Variants in COL13A1 observed in about 807,000 individuals in gnomAD.
COL13A1 encodes the protein collagen type XIII alpha 1 chain.
COL13A1 carries 89 observed loss-of-function variants against 130.9 expected under a neutral mutation model. The ratio of observed to expected loss-of-function variants is 0.68; its 90% CI spans 0.57 to 0.81. COL13A1 has a LOEUF of 0.81. COL13A1 is among the 30% of genes least tolerant of loss of function. The pLI, the probability that COL13A1 is intolerant of heterozygous loss-of-function variation, is 0.00. For synonymous variants in COL13A1, 402 were observed against 341.6 expected, an observed-to-expected ratio of 1.18 and a Z score of -1.95; for missense variants, 879 against 934.6, an observed-to-expected ratio of 0.94 and a Z score of 0.78.
intron 38 of COL13A1, among the ~76,000 whole-genome samples, chr10:69,947,910 G>A (rs2068790571): frequency 6.6e-6 from 1 of 152,216 alleles, no homozygotes; most frequent in East Asian, 1.9e-4. Context: ...TCTTCACCAG[G>A]ACACACTTAC....
chr10:69,905,783 C>G lies in COL13A1; in HGVS notation c.886-4C>G, dbSNP rs778853812. The G allele has an allele frequency of 1.9e-6, 3 of 1,613,346 alleles. No individual in the cohort carries two copies. Among genetic ancestry groups the G allele is most frequent in the Non-Finnish European group, 2.5e-6 (3 of 1,179,698 alleles). On this transcript the variant is annotated splice_polypyrimidine_tract_variant and splice_region_variant and intron_variant, in intron 16 of 40. Coordinates refer to ENST00000645393, the MANE Select transcript of COL13A1 (RefSeq NM_001368882.1). ...CTTTAATGGCCTTCTCTTTGTTTTCCCAGGGAGACCCAGGGATCCAGGGCT... is the reference window on the plus strand; with the variant it reads ...CTTTAATGGCCTTCTCTTTGTTTTCGCAGGGAGACCCAGGGATCCAGGGCT...
At chr10:69,848,198 G>A (rs1000703311) in intron 2 of COL13A1, among the ~76,000 whole-genome samples, 7 of 152,172 alleles carry the variant, frequency 4.6e-5, no homozygotes, top group Non-Finnish European at 8.8e-5. Flanking sequence ...TCAGATGGCC[G>A]CATCTGATCC....
intron 7 of COL13A1, 131 bp from the exon 8 acceptor site, chr10:69,887,325 C>A: frequency 1.1e-6 from 1 of 878,998 alleles, no homozygotes; most frequent in South Asian, 1.5e-5. Context: ...ACCCACTAAC[C>A]ACAGTGAGTG....
chr10:69,898,428 G>A (rs980757572), intron 13 of COL13A1, among the ~76,000 whole-genome samples: 1 of 152,234 alleles, frequency 6.6e-6, no homozygotes, highest in Non-Finnish European at 1.5e-5. Context: ...CCTGGAGGCC[G>A]AGGCCGGGTG....
At chr10:69,854,609 T>C (rs991720776) in intron 2 of COL13A1, among the ~76,000 whole-genome samples, 2 of 151,798 alleles carry the variant, frequency 1.3e-5, no homozygotes, top group East Asian at 2.0e-4. Flanking sequence ...CACCAGACTC[T>C]GGTTAGAGGT....
intron 1 of COL13A1, among the ~76,000 whole-genome samples, chr10:69,814,005 G>C (rs1291335170): frequency 6.6e-6 from 1 of 152,246 alleles, no homozygotes; most frequent in Non-Finnish European, 1.5e-5. Flanking sequence ...AATTCGGTTG[G>C]AGTGTGGATT....
chr10:69,827,507 C>T (rs1177034927), intron 2 of COL13A1, among the ~76,000 whole-genome samples: 1 of 152,148 alleles, frequency 6.6e-6, no homozygotes, highest in Non-Finnish European at 1.5e-5. Context: ...GATGATGTGG[C>T]ATCAGAGAAG....
chr10:69,952,761 T>G lies in COL13A1; in HGVS notation c.2059-121T>G, dbSNP rs1461427428. On this transcript the variant is annotated intron_variant, in intron 38 of 40. Coordinates refer to ENST00000645393, the MANE Select transcript of COL13A1 (RefSeq NM_001368882.1). The stretch of plus-strand genomic sequence containing the variant: ...CCAAATCCTACTGGGGAGAATATCC[T>G]AATTTAAAGCATCTCTTTTTCCCTT... 3 of 694,366 alleles carry G rather than the reference T, an allele frequency of 4.3e-6. No individual in the cohort carries two copies. In the African/African-American group the frequency reaches 5.8e-5, roughly 13 times the overall value. The allele number at this position is 694,366 out of a possible 1,614,324, so 43.0% of individuals were successfully genotyped here.
chr10:69,829,344 C>A (rs991679674), intron 2 of COL13A1: 1 of 825,404 alleles, frequency 1.2e-6, no homozygotes, highest in African/African-American at 1.8e-5. Flanking sequence ...TACTTTCCAT[C>A]ACCCTTAGGA....
At chr10:69,854,480 G>T (rs1019029839) in intron 2 of COL13A1, among the ~76,000 whole-genome samples, 5 of 152,010 alleles carry the variant, frequency 3.3e-5, no homozygotes, top group Non-Finnish European at 7.3e-5. Flanking sequence ...GGCTGAGGTG[G>T]TAGGGTCGCT....
At chr10:69,885,526 C>T (rs1181009519) in intron 7 of COL13A1, among the ~76,000 whole-genome samples, 1 of 152,206 alleles carries the variant, frequency 6.6e-6, no homozygotes, top group East Asian at 1.9e-4. Flanking sequence ...CATTCTTCCC[C>T]AGATCTCTGA....
At chr10:69,942,646 G>A (rs1284563515) in intron 35 of COL13A1, among the ~76,000 whole-genome samples, 7 of 152,172 alleles carry the variant, frequency 4.6e-5, no homozygotes, top group East Asian at 3.8e-4. Context: ...CTTCCTACGC[G>A]TCAGGCTCAG....
intron 7 of COL13A1, 31 bp downstream of exon 7, chr10:69,880,584 T>A (rs1564932994): frequency 6.2e-7 from 1 of 1,609,596 alleles, no homozygotes; most frequent in Non-Finnish European, 8.5e-7. Flanking sequence ...CTCGGGGTGT[T>A]GGGGGGATGG....
At chr10:69,914,683 A>G (rs2063734532) in intron 17 of COL13A1, among the ~76,000 whole-genome samples, 1 of 152,212 alleles carries the variant, frequency 6.6e-6, no homozygotes, top group East Asian at 1.9e-4. Flanking sequence ...GGGCCTCTGT[A>G]CTGAGTCAAA....
chr10:69,804,827 A>G (rs1366115968), intron 1 of COL13A1, among the ~76,000 whole-genome samples: 234 of 107,566 alleles, frequency 2.2e-3, no homozygotes, highest in African/African-American at 7.8e-3. Flanking sequence ...AAAAAAAAAA[A>G]AAAAAAAAAA....
At chr10:69,921,769 G>A in intron 21 of COL13A1, 113 bp from the exon 22 acceptor site, 1 of 1,374,476 alleles carries the variant, frequency 7.3e-7, no homozygotes, top group Non-Finnish European at 1.0e-6. Context: ...TGGGGGCAGG[G>A]GCACCGAGGC....
In COL13A1 at chr10:69,898,698, T is replaced by A. The variant is rs781151581; in HGVS notation, c.686T>A (p.Leu229Gln). ...KGQCGEYPHR[L>Q]LPLLNSVRLA... ...CCTCCAACTCATCTTTCTCCTCAGCTGCTGCCTCTCCTCAATTCAGTGCGA... is the reference window on the plus strand; with the variant it reads ...CCTCCAACTCATCTTTCTCCTCAGCAGCTGCCTCTCCTCAATTCAGTGCGA... The change falls in exon 14 of 41, where the codon CTG becomes CAG. Residue 229 changes from leucine to glutamine, a missense_variant and splice_region_variant. Around this residue, in one of 3 missense-constraint regions of COL13A1, gnomAD observed 715 missense variants for 721.0 expected, o/e 0.99. Transcript: ENST00000645393. 3 of 1,613,130 alleles carry A rather than the reference T, an allele frequency of 1.9e-6. No individual in the cohort carries two copies. The highest frequency in any genetic ancestry group is 1.1e-5 in the South Asian group (1 of 90,868).
Position 69,942,229 on chromosome 10 carries a change from G to A in COL13A1, c.1914+1206G>A, listed in dbSNP as rs570853142. ...GCCCTCATAAATAGGAGATGACATG[G>A]CTTGCCCAAGATGACAGACTTCTTC... On this transcript the variant is annotated intron_variant, in intron 35 of 40. Coordinates refer to ENST00000645393, the MANE Select transcript of COL13A1 (RefSeq NM_001368882.1). Among the ~76,000 whole-genome samples, 14 of 152,318 alleles carry A rather than the reference G, an allele frequency of 9.2e-5. 1 individual carries two copies. In the East Asian group the frequency reaches 1.7e-3, roughly 19 times the overall value.
intron 2 of COL13A1, among the ~76,000 whole-genome samples, chr10:69,849,154 G>T (rs1394860814): frequency 6.6e-6 from 1 of 152,232 alleles, no homozygotes; most frequent in East Asian, 1.9e-4. Context: ...ATATCACAGT[G>T]CTTACAGAGA....
Sources: gnomAD v4.1 joint callset for allele counts (sites outside exome capture counted in the v4.1 genomes callset) on GRCh38, gnomAD v4.1.1 for gene constraint, gnomAD v4.1.1 regional missense constraint, MANE v1.5 for transcripts, NCBI Gene and HGNC (gene_info 2026-07-23, HGNC 2026-07-21) for gene names.